TMBIM1: variants seen among roughly 807,000 people sequenced by gnomAD.
TMBIM1 encodes protein lifeguard 3.
Under a neutral mutation model 45.1 loss-of-function variants are expected in TMBIM1, and 34 were observed. The observed-to-expected ratio is 0.75, with a 90% CI of 0.57 to 1.00. The LOEUF (loss-of-function observed/expected upper bound fraction) is 1.00. Ranked by LOEUF, TMBIM1 falls within the 50% of genes least tolerant of loss-of-function variation. The pLI is 0.00. For missense variants in TMBIM1, 374 were observed against 402.4 expected (o/e 0.93, Z 0.60); for synonymous variants, 157 against 153.5 (o/e 1.02, Z -0.17).
chr2:218,280,193 C>G, intron 2 of TMBIM1, 67 bp from the exon 3 acceptor site: 2 of 1,161,900 alleles, frequency 1.7e-6, no homozygotes, highest in Non-Finnish European at 2.6e-6. Context: ...CAAAGCCTCC[C>G]TGACAATCTC....
rs1261213441 is a variant in TMBIM1 at position 218,277,976 on chromosome 2, T to A, written c.474-2A>T. The A allele has an allele frequency of 2.5e-6, 4 of 1,614,136 alleles. No individual in the cohort carries two copies. Among genetic ancestry groups the A allele is most frequent in the Admixed American group, 1.7e-5 (1 of 60,016 alleles). ...ATGATGTTCCATGGGAAACGGCGTC[T>A]GAAGGGAAAGAGAAGCCTTGATTAA... is the stretch of plus-strand genomic sequence containing the variant. On this transcript the variant is annotated splice_acceptor_variant, in intron 6 of 11. Transcript: ENST00000258412. LOFTEE classifies it high-confidence loss of function.
chr2:218,278,099 G>A lies in TMBIM1; in HGVS notation c.474-125C>T. The A allele has an allele frequency of 8.1e-6, 9 of 1,111,156 alleles. No homozygotes were observed. In the South Asian group the frequency reaches 9.7e-5, roughly 12 times the overall value. The allele number at this position is 1,111,156 out of a possible 1,614,324, so 68.8% of individuals were successfully genotyped here. A position where few individuals can be genotyped will look rare whatever the true frequency, so the allele number is the denominator to read the frequency against. ...TTAAGCCTTGACTCCAAGGAGGGAG[G>A]TTGGCATGGCCTTTGGCACCTGTTC... On this transcript the variant is annotated intron_variant, in intron 6 of 11. Coordinates refer to ENST00000258412, the MANE Select transcript of TMBIM1 (RefSeq NM_022152.6).
chr2:218,282,263 C>A, intron 1 of TMBIM1, 82 bp from the exon 2 acceptor site: 1 of 805,164 alleles, frequency 1.2e-6, no homozygotes, highest in Non-Finnish European at 1.8e-6. Context: ...CAGCCTTGTC[C>A]AGGCTGCCTC....
chr2:218,285,438 G>C (rs1353966272), intron 1 of TMBIM1, among the ~76,000 whole-genome samples: 1 of 152,134 alleles, frequency 6.6e-6, no homozygotes, highest in African/African-American at 2.4e-5. Context: ...GCCTCAACAG[G>C]AGGCTGACAC....
intron 3 of TMBIM1, 181 bp from the exon 4 acceptor site, chr2:218,279,534 C>T (rs1457174755): frequency 5.4e-6 from 3 of 553,868 alleles, no homozygotes; most frequent in Non-Finnish European, 9.5e-6. Context: ...CAGCCCCGCT[C>T]CCATGCTCCC....
intron 5 of TMBIM1, among the ~76,000 whole-genome samples, 185 bp downstream of exon 5, chr2:218,278,853 C>T (rs567458794): frequency 4.6e-5 from 7 of 152,198 alleles, no homozygotes; most frequent in Non-Finnish European, 7.3e-5. Flanking sequence ...CTCTTGCTCT[C>T]GAGTTCTAGG....
intron 5 of TMBIM1, 50 bp from the exon 6 acceptor site, chr2:218,278,615 T>A (rs764033002): frequency 6.2e-7 from 1 of 1,602,292 alleles, no homozygotes; most frequent in Non-Finnish European, 8.6e-7. Context: ...CTGCCCCGCT[T>A]GGCAGCACAC....
Position 218,278,561 on chromosome 2 carries a change from C to T in TMBIM1, c.427G>A (p.Val143Ile), listed in dbSNP as rs183015933. The change falls in exon 6 of 12, where the codon GTC (valine) becomes ATC (isoleucine). Residue 143 changes from valine (V) to isoleucine (I), a missense_variant. Coordinates refer to ENST00000258412, the MANE Select transcript of TMBIM1 (RefSeq NM_022152.6). Reference sequence around the variant, plus strand: ...AGGATCAGGTAGGTGACAACGAAGACAGCACTAGGGACAAAGAGATGGGGA... The same window carrying T: ...AGGATCAGGTAGGTGACAACGAAGATAGCACTAGGGACAAAGAGATGGGGA... Reference protein sequence around the residue: ...NVAVYYVSYAVFVVTYLILAC... With the variant: ...NVAVYYVSYAIFVVTYLILAC... The T allele has an allele frequency of 6.2e-7, 1 of 1,614,156 alleles. No individual in the cohort carries two copies. The highest frequency in any genetic ancestry group is 8.5e-7 in the Non-Finnish European group (1 of 1,180,010).
At position 218,274,612 on chromosome 2, in the gene TMBIM1, TC is replaced by T. The variant is rs1356638934; in HGVS notation, c.*862del. On this transcript the variant is annotated 3_prime_UTR_variant, in exon 12 of 12. Transcript: ENST00000258412. The stretch of plus-strand genomic sequence containing the variant: ...CGAGTCTCTCTTCACCCTGGCTACT[TC>T]CTGGCCACACGTATGACTCTGCCCC... 1 of 155,460 alleles carries T rather than the reference TC, an allele frequency of 6.4e-6. No homozygotes were observed. Among genetic ancestry groups the T allele is most frequent in the Non-Finnish European group, 1.5e-5 (1 of 68,378 alleles). The allele number at this position is 155,460 out of a possible 1,614,324, so 9.6% of individuals were successfully genotyped here.
chr2:218,278,463 C>T (rs776266698), intron 6 of TMBIM1, 52 bp downstream of exon 6: 4 of 1,571,990 alleles, frequency 2.5e-6, no homozygotes, highest in Non-Finnish European at 3.5e-6. Context: ...ATACTCGGCC[C>T]CCATCCCAAT....
At chr2:218,286,167 C>A (rs554308911) in intron 1 of TMBIM1, among the ~76,000 whole-genome samples, 1 of 152,240 alleles carries the variant, frequency 6.6e-6, no homozygotes, top group South Asian at 2.1e-4. Context: ...TGAATTTTCC[C>A]AAAATACAGT....
At position 218,279,078 on chromosome 2, in the gene TMBIM1, C is replaced by T. The variant is rs144751225; in HGVS notation, c.382G>A (p.Ala128Thr). The T allele has an allele frequency of 7.8e-5, 126 of 1,614,170 alleles. 2 individuals are homozygous for T. The South Asian group carries it at 8.9e-4, about 11-fold the overall frequency. Residue 128 changes from alanine to threonine, a missense_variant, in exon 5 of 12, where the codon GCC becomes ACC. Ala to Thr is a moderately conservative substitution (Grantham distance 58). Transcript: ENST00000258412. ...ACAGCCACATTTCTCCTCACAAAGGCGCTGACAGGTTCCCTGTGGGGCACA... is the reference window on the plus strand; with the variant it reads ...ACAGCCACATTTCTCCTCACAAAGGTGCTGACAGGTTCCCTGTGGGGCACA... Reference protein sequence around the residue: ...AIFTFVEPVSAFVRRNVAVYY... With the variant: ...AIFTFVEPVSTFVRRNVAVYY...
chr2:218,280,301 G>A (rs928086634), intron 2 of TMBIM1, 175 bp from the exon 3 acceptor site: 48 of 574,142 alleles, frequency 8.4e-5, no homozygotes, highest in African/African-American at 5.5e-4. Context: ...ACCCAGAGCC[G>A]GCCTGTCACG....
intron 7 of TMBIM1, 78 bp from the exon 8 acceptor site, chr2:218,277,748 CCT>C: frequency 6.3e-7 from 1 of 1,592,396 alleles, no homozygotes; most frequent in Non-Finnish European, 8.6e-7. Context: ...GCCATGGTGG[CCT>C]CTGCCAGAGC....
At chr2:218,275,962 C>T (rs1691160224) in intron 11 of TMBIM1, 64 bp downstream of exon 11, 3 of 1,554,422 alleles carry the variant, frequency 1.9e-6, no homozygotes, top group Admixed American at 3.8e-5. Context: ...AATTCATGCC[C>T]CCTTCCCTAG....
chr2:218,278,458 C>A, intron 6 of TMBIM1, 57 bp downstream of exon 6: 1 of 1,542,832 alleles, frequency 6.5e-7, no homozygotes, highest in South Asian at 1.1e-5. Context: ...CCAAAATACT[C>A]GGCCCCCATC....
rs1245977778 is a variant in TMBIM1 at position 218,276,058 on chromosome 2, A to G, written c.757T>C (p.Tyr253His). ...AAACAAATGGCCCCCAGAGCAGCAT[A>G]GAGCATGTGGAGCCAGTAAACCTGG... ...FQYVYWLHML[Y>H]AALGAICFTL... Residue 253 changes from tyrosine (Y) to histidine (H), a missense_variant, in exon 11 of 12, where the codon TAT becomes CAT. Transcript: ENST00000258412. The G allele has an allele frequency of 6.2e-6, 10 of 1,613,128 alleles. No homozygotes were observed. The highest frequency in any genetic ancestry group is 3.3e-5 in the Admixed American group (2 of 59,862).
At chr2:218,288,204 G>A (rs1268120264) in intron 1 of TMBIM1, among the ~76,000 whole-genome samples, 2 of 151,864 alleles carry the variant, frequency 1.3e-5, no homozygotes, top group African/African-American at 2.4e-5. Context: ...CAAGGCGGGC[G>A]GATCACGAGG....
intron 11 of TMBIM1, 126 bp from the exon 12 acceptor site, chr2:218,275,747 A>G (rs1044170200): frequency 3.8e-5 from 45 of 1,181,962 alleles, no homozygotes; most frequent in Non-Finnish European, 5.2e-5. Context: ...AACGCACAGC[A>G]TAACATATGG....
Sources: allele counts gnomAD v4.1 joint callset (sites outside exome capture counted in the v4.1 genomes callset), GRCh38; gene constraint gnomAD v4.1.1; transcripts MANE v1.5; gene names NCBI Gene and HGNC (gene_info 2026-07-23, HGNC 2026-07-21).